Variants in MME observed in about 807,000 individuals in gnomAD.
The protein encoded by MME is neprilysin.
Under a neutral mutation model 113.2 loss-of-function variants are expected in MME, and 98 were observed. That is an observed-to-expected ratio of 0.87 (90% CI 0.74 to 1.02). The LOEUF (loss-of-function observed/expected upper bound fraction) is 1.02, where lower values mean the gene tolerates loss of function less well. MME is among the 50% of genes least tolerant of loss of function. MME has a pLI of 0.00. For synonymous variants in MME, 292 were observed against 300.6 expected (o/e 0.97, Z 0.30); for missense variants, 836 against 896.0 (o/e 0.93, Z 0.86).
intron 16 of MME, chr3:155,158,390 A>G (rs1191672737): frequency 6.6e-6 from 1 of 152,090 alleles, no homozygotes; most frequent in Admixed American, 6.6e-5. Flanking sequence ...TACCTAAAAA[A>G]TTTGCTGCCA....
intron 3 of MME, chr3:155,089,944 C>T (rs898951508): frequency 4.8e-5 from 18 of 376,726 alleles, no homozygotes; most frequent in African/African-American, 1.9e-4. Flanking sequence ...TGGAAGACAG[C>T]GCAAGACTCT....
In MME at chr3:155,182,278, T is replaced by C. The variant is rs1258697768; in HGVS notation, c.*1819T>C. The C allele has an allele frequency of 6.6e-6, 1 of 152,238 alleles. No individual in the cohort carries two copies. The highest frequency in any genetic ancestry group is 2.4e-5 in the African/African-American group (1 of 41,466). The allele number at this position is 152,238 out of a possible 1,614,324, so 9.4% of individuals were successfully genotyped here. A position where few individuals can be genotyped will look rare whatever the true frequency, so the allele number is the denominator to read the frequency against. Reference sequence around the variant, plus strand: ...TCATTCTCATTGCAGAATAATGTTCTATTGTGGGACTTATTACAATTTGTT... The same window carrying C: ...TCATTCTCATTGCAGAATAATGTTCCATTGTGGGACTTATTACAATTTGTT... On this transcript the variant is annotated 3_prime_UTR_variant, in exon 23 of 23. Coordinates refer to ENST00000360490, the MANE Select transcript of MME (RefSeq NM_007289.4).
chr3:155,119,775 T>G (rs1460742967), intron 8 of MME, among the ~76,000 whole-genome samples: 2 of 141,302 alleles, frequency 1.4e-5, no homozygotes, highest in Non-Finnish European at 1.5e-5. Flanking sequence ...TAGTATTCCA[T>G]GGTGTATATG....
At chr3:155,067,628 A>G (rs1043266654) in intron 1 of MME, among the ~76,000 whole-genome samples, 3 of 152,068 alleles carry the variant, frequency 2.0e-5, no homozygotes, top group Non-Finnish European at 2.9e-5. Context: ...CTTTTGAAAT[A>G]CTTTCAAACA....
chr3:155,106,848 A>C (rs1254989212), intron 3 of MME, among the ~76,000 whole-genome samples: 2 of 152,186 alleles, frequency 1.3e-5, no homozygotes, highest in African/African-American at 4.8e-5. Context: ...TTTACAAAAG[A>C]GCATTTGCTC....
intron 16 of MME, among the ~76,000 whole-genome samples, chr3:155,150,020 CA>C: frequency 6.6e-6 from 1 of 152,162 alleles, no homozygotes; most frequent in East Asian, 1.9e-4. Context: ...AAAAGTTATG[CA>C]AAATAATTAT....
chr3:155,125,034 A>G (rs1240101405), intron 8 of MME, among the ~76,000 whole-genome samples: 2 of 151,318 alleles, frequency 1.3e-5, no homozygotes, highest in African/African-American at 4.9e-5. Flanking sequence ...GCCGCCTTGC[A>G]GTTTGATCTC....
At chr3:155,072,008 G>T (rs572911791) in intron 1 of MME, among the ~76,000 whole-genome samples, 2 of 151,334 alleles carry the variant, frequency 1.3e-5, no homozygotes, top group African/African-American at 2.4e-5. Flanking sequence ...AAAAATACAA[G>T]AAATTAGCCG....
At position 155,117,109 on chromosome 3, in the gene MME, A is replaced by G. The variant is rs937541724; in HGVS notation, c.654+123A>G. 9 of 710,666 alleles carry G rather than the reference A, an allele frequency of 1.3e-5. No individual in the cohort carries two copies. In the Admixed American group the frequency reaches 1.9e-4, roughly 15 times the overall value. The allele number at this position is 710,666 out of a possible 1,614,324, so 44.0% of individuals were successfully genotyped here. On this transcript the variant is annotated intron_variant, in intron 7 of 22. Coordinates refer to ENST00000360490, the MANE Select transcript of MME (RefSeq NM_007289.4). ...AATTGAATTGAATAAGCAAGGAGGTAGTATATCCATGCTCTGTCCCTAATA... is the reference window on the plus strand; with the variant it reads ...AATTGAATTGAATAAGCAAGGAGGTGGTATATCCATGCTCTGTCCCTAATA...
intron 3 of MME, among the ~76,000 whole-genome samples, chr3:155,103,014 T>C (rs562128727): frequency 6.6e-6 from 1 of 152,172 alleles, no homozygotes; most frequent in South Asian, 2.1e-4. Flanking sequence ...AAATATTTGT[T>C]GAATGGCCAA....
intron 16 of MME, among the ~76,000 whole-genome samples, chr3:155,157,795 C>A (rs181121913): frequency 5.3e-5 from 8 of 152,256 alleles, no homozygotes; most frequent in African/African-American, 1.9e-4. Context: ...ATACTACACA[C>A]TAGTGCTGTG....
intron 10 of MME, 126 bp downstream of exon 10, chr3:155,140,418 T>G: frequency 1.8e-6 from 1 of 556,066 alleles, no homozygotes; most frequent in Non-Finnish European, 3.2e-6. Flanking sequence ...TCCTTTTTTT[T>G]TTTTTTTTTT....
rs1325776737 is a variant in MME, at chr3:155,042,900, T to TTTTATATA, written c.-11+18577_-11+18578insTTATATAT. ...TTAGAAAAATTACCAATAGTAGGTT[T>TTTTATATA]TATATATATATATATATATATATAT... On this transcript the variant is annotated intron_variant, in intron 1 of 22. Transcript: ENST00000492661. Among the ~76,000 whole-genome samples the TTTTATATA allele has an allele frequency of 9.5e-5, 6 of 62,956 alleles. No individual in the cohort carries two copies. The East Asian group carries it at 4.2e-3, about 44-fold the overall frequency. 41.3% of individuals were successfully genotyped at this position (62,956 alleles called of 152,430 possible). A position where few individuals can be genotyped will look rare whatever the true frequency, so the allele number is the denominator to read the frequency against.
intron 3 of MME, among the ~76,000 whole-genome samples, chr3:155,098,921 A>G (rs1053660945): frequency 1.3e-5 from 2 of 152,102 alleles, no homozygotes; most frequent in African/African-American, 4.8e-5. Context: ...ACAAAGTGCC[A>G]GAGTCTTAAA....
intron 9 of MME, 136 bp from the exon 10 acceptor site, chr3:155,140,053 CAA>C (rs1720939755): frequency 3.9e-6 from 2 of 516,046 alleles, no homozygotes; most frequent in Non-Finnish European, 6.7e-6. Flanking sequence ...TTTGAAATGA[CAA>C]AACAAATTAC....
intron 1 of MME, among the ~76,000 whole-genome samples, chr3:155,036,374 TAG>T (rs1713127470): frequency 6.6e-6 from 1 of 152,176 alleles, no homozygotes; most frequent in Non-Finnish European, 1.5e-5. Flanking sequence ...AATCAAGATA[TAG>T]AGTTTTTTTT....
chr3:155,174,363 T>C (rs1240112457), intron 22 of MME, among the ~76,000 whole-genome samples: 1 of 146,560 alleles, frequency 6.8e-6, no homozygotes, highest in Non-Finnish European at 1.5e-5. Flanking sequence ...TGTGTGTGTG[T>C]GTGTGTGTGT....
chr3:155,076,485 C>A (rs1576685778), upstream of MME, among the ~76,000 whole-genome samples: 1 of 152,180 alleles, frequency 6.6e-6, no homozygotes, highest in African/African-American at 2.4e-5. Flanking sequence ...GTTTTCAGCA[C>A]TCACATATCC....
At chr3:155,027,129 T>C (rs989572824) in intron 1 of MME, among the ~76,000 whole-genome samples, 1 of 152,210 alleles carries the variant, frequency 6.6e-6, no homozygotes, top group East Asian at 1.9e-4. Flanking sequence ...AAATCATTTT[T>C]GGTTTGGCAG....
Sources: allele counts gnomAD v4.1 joint callset (sites outside exome capture counted in the v4.1 genomes callset), GRCh38; gene constraint gnomAD v4.1.1; transcripts MANE v1.5; gene names NCBI Gene and HGNC (gene_info 2026-07-23, HGNC 2026-07-21).